The following SBF2 variants were observed in gnomAD, a reference collection of about 807,000 sequenced individuals.
SBF2 encodes myotubularin-related protein 13.
A neutral mutation model predicts 225.2 loss-of-function variants in SBF2; 112 were observed. The ratio of observed to expected loss-of-function variants is 0.50; its 90% confidence interval spans 0.43 to 0.58. SBF2 has a LOEUF of 0.58. Ranked by LOEUF, SBF2 falls within the 20% of genes least tolerant of loss-of-function variation. SBF2 has a pLI of 0.00. For missense variants in SBF2, 1,996 were observed against 2,206.2 expected (o/e 0.90, Z 1.91); for synonymous variants, 763 against 773.3 (o/e 0.99, Z 0.22).
chr11:9,890,235 TTTTTG>T (rs1252514771), intron 17 of SBF2, among the ~76,000 whole-genome samples: 3 of 152,120 alleles, frequency 2.0e-5, no homozygotes, highest in Admixed American at 2.0e-4. Flanking sequence ...TACTTACTTA[TTTTTG>T]TTTTTGAGAA....
At chr11:9,934,285 G>A (rs1041145180) in intron 16 of SBF2, among the ~76,000 whole-genome samples, 2 of 152,062 alleles carry the variant, frequency 1.3e-5, no homozygotes, top group Non-Finnish European at 2.9e-5. Context: ...GAATAGACCA[G>A]TAACAGGCTC....
intron 6 of SBF2, among the ~76,000 whole-genome samples, chr11:10,021,961 G>A (rs893395598): frequency 6.6e-6 from 1 of 152,128 alleles, no homozygotes. Context: ...AGAAAAAAGT[G>A]AATTTAGAAC....
intron 2 of SBF2, among the ~76,000 whole-genome samples, chr11:10,095,551 T>A (rs1321686398): frequency 6.6e-6 from 1 of 151,820 alleles, no homozygotes; most frequent in Non-Finnish European, 1.5e-5. Context: ...CAAGCTTTTT[T>A]AAAAAAAATC....
chr11:9,856,397 T>G, intron 19 of SBF2, 61 bp downstream of exon 19: 1 of 1,605,616 alleles, frequency 6.2e-7, no homozygotes, highest in Non-Finnish European at 8.5e-7. Flanking sequence ...ATATTATCTG[T>G]CAAGCCAAGA....
chr11:9,884,444 T>C (rs1432216707), intron 17 of SBF2, among the ~76,000 whole-genome samples: 1 of 152,214 alleles, frequency 6.6e-6, no homozygotes, highest in Non-Finnish European at 1.5e-5. Flanking sequence ...TCAATATATG[T>C]AAAAGAAACA....
At chr11:9,798,842 C>G (rs976999261) in intron 32 of SBF2, among the ~76,000 whole-genome samples, 1 of 151,456 alleles carries the variant, frequency 6.6e-6, no homozygotes, top group African/African-American at 2.4e-5. Context: ...GTCCCAGCTA[C>G]TCGGGAGGCT....
chr11:10,142,429 C>T (rs1591055083), intron 2 of SBF2, among the ~76,000 whole-genome samples: 2 of 152,260 alleles, frequency 1.3e-5, no homozygotes, highest in East Asian at 1.9e-4. Flanking sequence ...ATCAAAGCCA[C>T]GGGTTGTAAG....
At chr11:9,834,976 C>A (rs1275338963) in intron 26 of SBF2, among the ~76,000 whole-genome samples, 2 of 152,118 alleles carry the variant, frequency 1.3e-5, no homozygotes, top group Non-Finnish European at 2.9e-5. Flanking sequence ...CATGGGCTTG[C>A]ATGACAGCTG....
chr11:10,243,729 A>G lies in SBF2; in HGVS notation c.56-49742T>C, dbSNP rs114709817. On this transcript the variant is annotated intron_variant, in intron 1 of 39. Coordinates refer to ENST00000256190, the MANE Select transcript of SBF2 (RefSeq NM_030962.4). ...ACAGATAAATTCCTAGAAATGTATA[A>G]TCTACCAAGGCTGAATTAAGAAGAA... 7.0e-4 allele frequency among the ~76,000 whole-genome samples: 106 copies of G among 152,240 alleles called. 1 individual carries two copies. The highest frequency in any genetic ancestry group is 2.4e-3 in the African/African-American group (99 of 41,582).
intron 3 of SBF2, among the ~76,000 whole-genome samples, chr11:10,034,583 C>T (rs759883881): frequency 2.0e-5 from 3 of 152,208 alleles, no homozygotes; most frequent in Admixed American, 2.0e-4. Context: ...TTGCATCCAA[C>T]ATCTTCTCTG....
At chr11:9,963,682 G>A in intron 15 of SBF2, 91 bp downstream of exon 15, 1 of 702,798 alleles carries the variant, frequency 1.4e-6, no homozygotes, top group Admixed American at 2.2e-5. Context: ...AAAAGGGATA[G>A]AATTAAAGAA....
At chr11:9,912,759 A>C (rs1862747244) in intron 16 of SBF2, among the ~76,000 whole-genome samples, 1 of 152,218 alleles carries the variant, frequency 6.6e-6, no homozygotes, top group Non-Finnish European at 1.5e-5. Context: ...AGTAGACAAC[A>C]ACAAAATTGT....
intron 2 of SBF2, among the ~76,000 whole-genome samples, chr11:10,077,118 C>T (rs963249328): frequency 2.0e-5 from 3 of 151,992 alleles, no homozygotes; most frequent in Admixed American, 6.6e-5. Flanking sequence ...GATAAAATTG[C>T]ATGGGGTTTG....
chr11:10,054,871 C>T (rs1950194951), intron 2 of SBF2, among the ~76,000 whole-genome samples: 1 of 150,228 alleles, frequency 6.7e-6, no homozygotes, highest in Non-Finnish European at 1.5e-5. Context: ...CATGAGAATG[C>T]CCATTATTTT....
chr11:9,918,198 C>T (rs1421058560), intron 16 of SBF2, among the ~76,000 whole-genome samples: 3 of 149,494 alleles, frequency 2.0e-5, no homozygotes, highest in African/African-American at 7.4e-5. Flanking sequence ...TAACTTACTA[C>T]CTTTGGACTC....
intron 2 of SBF2, among the ~76,000 whole-genome samples, chr11:10,133,280 C>G (rs1954166784): frequency 1.3e-5 from 2 of 149,528 alleles, no homozygotes; most frequent in African/African-American, 4.9e-5. Context: ...GTGGAGCTGC[C>G]TGCCAGTCCT....
chr11:10,042,993 A>G lies in SBF2; in HGVS notation c.142-12T>C. 1.2e-6 allele frequency: 2 copies of G among 1,612,300 alleles called. No individual in the cohort carries two copies. ...CCAGGCTGACAAAACTAAATGAAAT[A>G]GAAAAAAAAATGTAACATTTAAAAA... On this transcript the variant is annotated splice_polypyrimidine_tract_variant and intron_variant, in intron 2 of 39. Transcript: ENST00000256190.
At chr11:9,882,990 C>T (rs534291956) in intron 17 of SBF2, among the ~76,000 whole-genome samples, 119 of 152,046 alleles carry the variant, frequency 7.8e-4, no homozygotes, top group Non-Finnish European at 1.3e-3. Flanking sequence ...AACAATTAGC[C>T]AGATGTGGTG....
At chr11:9,828,556 C>G in intron 28 of SBF2, 1 of 985,430 alleles carries the variant, frequency 1.0e-6, no homozygotes, top group Non-Finnish European at 1.2e-6. Flanking sequence ...AGACCAACTT[C>G]TCAAGTCACA....
Sources: allele counts gnomAD v4.1 joint callset (sites outside exome capture counted in the v4.1 genomes callset), GRCh38; gene constraint gnomAD v4.1.1; transcripts MANE v1.5; gene names NCBI Gene and HGNC (gene_info 2026-07-23, HGNC 2026-07-21).